The following AGTRAP variants were observed in gnomAD, a reference collection of about 807,000 sequenced individuals.
The protein encoded by AGTRAP is angiotensin II receptor associated protein, also known as type-1 angiotensin II receptor-associated protein.
Under a neutral mutation model 15.2 loss-of-function variants are expected in AGTRAP, and 7 were observed. That is an observed-to-expected ratio of 0.46 (90% CI 0.26 to 0.87). AGTRAP has a LOEUF of 0.87. Ranked by LOEUF, AGTRAP falls within the 40% of genes least tolerant of loss-of-function variation. AGTRAP has a pLI of 0.15. For missense variants in AGTRAP, 187 were observed against 213.4 expected, an observed-to-expected ratio of 0.88 and a Z score of 0.77; for synonymous variants, 74 against 89.6, an observed-to-expected ratio of 0.83 and a Z score of 0.98.
chr1:11,750,152 C>T lies in AGTRAP; in HGVS notation c.440C>T (p.Ala147Val). The T allele has an allele frequency of 6.2e-7, 1 of 1,614,030 alleles. No homozygotes were observed. Among genetic ancestry groups the T allele is most frequent in the Non-Finnish European group, 8.5e-7 (1 of 1,180,022 alleles). ...GCAGAGGCGCCCGCAGATCCCTTTG[C>T]AGTCCCAGAGGGCAGGAGTCAAGAT... ...DSAEAPADPF[A>V]VPEGRSQDAR... Residue 147 changes from alanine to valine, a missense_variant, in exon 5 of 5, where the codon GCA becomes GTA. Ala to Val is a moderately conservative substitution (Grantham distance 64). Transcript: ENST00000314340.
Position 11,750,376 on chromosome 1 carries a change from G to T in AGTRAP, c.*184G>T. 2 of 654,820 alleles carry T rather than the reference G, an allele frequency of 3.1e-6. No individual in the cohort carries two copies. The highest frequency in any genetic ancestry group is 1.7e-5 in the South Asian group (1 of 59,776). 40.6% of individuals were successfully genotyped at this position (654,820 alleles called of 1,614,324 possible). On this transcript the variant is annotated 3_prime_UTR_variant, in exon 5 of 5. Transcript: ENST00000314340. ...CCAGTACCATGCACACTCCTGTCCCGAACTCCCTGAGGCCTCCCCTCCCTT... is the reference window on the plus strand; with the variant it reads ...CCAGTACCATGCACACTCCTGTCCCTAACTCCCTGAGGCCTCCCCTCCCTT...
intron 1 of AGTRAP, among the ~76,000 whole-genome samples, chr1:11,738,313 C>T (rs1404514899): frequency 6.6e-6 from 1 of 152,168 alleles, no homozygotes. Flanking sequence ...GAAACAACTG[C>T]CCCAGGCCCT....
intron 1 of AGTRAP, among the ~76,000 whole-genome samples, chr1:11,741,145 C>A (rs1209441932): frequency 6.6e-6 from 1 of 151,894 alleles, no homozygotes; most frequent in Admixed American, 6.6e-5. Flanking sequence ...TTCCACGCCC[C>A]CCTTCTGCCA....
intron 1 of AGTRAP, among the ~76,000 whole-genome samples, 158 bp downstream of exon 1, chr1:11,736,393 G>A (rs1450538908): frequency 6.6e-6 from 1 of 152,208 alleles, no homozygotes; most frequent in Non-Finnish European, 1.5e-5. Context: ...TGGGCAGGCA[G>A]GCCACAGCAG....
In AGTRAP at chr1:11,745,753, T is replaced by TGTG. The variant is rs752163869; in HGVS notation, c.28-44_28-42dup. 7 of 1,603,828 alleles carry TGTG rather than the reference T, an allele frequency of 4.4e-6. No individual in the cohort carries two copies. The highest frequency in any genetic ancestry group is 6.0e-6 in the Non-Finnish European group (7 of 1,170,722). ...TCTGCACCCGACGCTTTCCTGCCCC[T>TGTG]GTGGTGGTCATGTTCACAGACCTCT... On this transcript the variant is annotated intron_variant, in intron 1 of 4. Coordinates refer to ENST00000314340, the MANE Select transcript of AGTRAP (RefSeq NM_020350.5). This position sits in a 1 kb window ranked among gnomAD's most constrained non-coding sequence, Gnocchi z 4.2.
At position 11,750,265 on chromosome 1, in the gene AGTRAP, G is replaced by A; in HGVS notation, c.*73G>A. 2 of 1,234,968 alleles carry A rather than the reference G, an allele frequency of 1.6e-6. No homozygotes were observed. The highest frequency in any genetic ancestry group is 2.3e-6 in the Non-Finnish European group (2 of 859,756). 76.5% of individuals were successfully genotyped at this position (1,234,968 alleles called of 1,614,324 possible). A position where few individuals can be genotyped will look rare whatever the true frequency, so the allele number is the denominator to read the frequency against. On this transcript the variant is annotated 3_prime_UTR_variant, in exon 5 of 5. Transcript: ENST00000314340. ...GGGAGGTCGTTCTAGGGATGCTCCT[G>A]ACCTCCGTCTCTTGGACCTAAGATG...
rs1641888340 is a variant in AGTRAP at position 11,736,148 on chromosome 1, C to G, written c.-61C>G. ...GGCGGGGCCGGGCAAGTTTGTTCCCCGAGTTCGGAGCCTAGGAGCCCCCCG... is the reference window on the plus strand; with the variant it reads ...GGCGGGGCCGGGCAAGTTTGTTCCCGGAGTTCGGAGCCTAGGAGCCCCCCG... On this transcript the variant is annotated 5_prime_UTR_variant, in exon 1 of 5. Transcript: ENST00000314340. 1.3e-6 allele frequency: 2 copies of G among 1,566,390 alleles called. No homozygotes were observed. Among genetic ancestry groups the G allele is most frequent in the African/African-American group, 1.3e-5 (1 of 74,336 alleles).
intron 1 of AGTRAP, among the ~76,000 whole-genome samples, chr1:11,742,481 T>C (rs1483902757): frequency 5.9e-5 from 9 of 151,986 alleles, no homozygotes; most frequent in Non-Finnish European, 1.2e-4. Flanking sequence ...TCCTTTTCTT[T>C]CTTTTTCTTT....
chr1:11,748,753 T>G (rs1427882028), intron 4 of AGTRAP, 143 bp downstream of exon 4: 1 of 979,028 alleles, frequency 1.0e-6, no homozygotes, highest in Non-Finnish European at 1.5e-6. Flanking sequence ...CGCTCTGTAC[T>G]AGGCTGGACA....
chr1:11,739,766 G>A (rs1000148201), intron 1 of AGTRAP, among the ~76,000 whole-genome samples: 2 of 152,224 alleles, frequency 1.3e-5, no homozygotes, highest in African/African-American at 2.4e-5. Flanking sequence ...TGCTGCTGTC[G>A]TTGATGATGC....
chr1:11,746,466 A>C, intron 2 of AGTRAP: 1 of 431,238 alleles, frequency 2.3e-6, no homozygotes. Context: ...TGTCCTATAA[A>C]TCTAGGAAGC....
At chr1:11,746,145 T>G in intron 2 of AGTRAP, 1 of 1,613,818 alleles carries the variant, frequency 6.2e-7, no homozygotes, top group South Asian at 1.1e-5. Flanking sequence ...GACATTTCTC[T>G]GCCAAACCAA....
At chr1:11,747,293 G>A (rs879155585) in intron 2 of AGTRAP, 147 bp from the exon 3 acceptor site, 16 of 725,968 alleles carry the variant, frequency 2.2e-5, no homozygotes, top group South Asian at 1.3e-4. Flanking sequence ...GGTGGGAGGC[G>A]GAGCCCATGG....
At chr1:11,750,007 T>C in intron 4 of AGTRAP, 70 bp from the exon 5 acceptor site, 1 of 1,293,120 alleles carries the variant, frequency 7.7e-7, no homozygotes. Flanking sequence ...GGATCTTGGG[T>C]TGGACTCAGC....
intron 1 of AGTRAP, among the ~76,000 whole-genome samples, chr1:11,742,479 T>C (rs1243682588): frequency 1.3e-5 from 2 of 151,944 alleles, no homozygotes; most frequent in African/African-American, 4.8e-5. Context: ...CTTCCTTTTC[T>C]TTCTTTTTCT....
At chr1:11,741,823 G>T (rs887952031) in intron 1 of AGTRAP, among the ~76,000 whole-genome samples, 1 of 152,262 alleles carries the variant, frequency 6.6e-6, no homozygotes. Context: ...GAAGGTAGGT[G>T]AGGTGATGGC....
At chr1:11,749,523 C>T (rs904648759) in intron 4 of AGTRAP, among the ~76,000 whole-genome samples, 2 of 152,362 alleles carry the variant, frequency 1.3e-5, no homozygotes, top group Admixed American at 1.3e-4. Flanking sequence ...GATGAATGTA[C>T]AGAGTAGGGG....
At chr1:11,740,179 T>C (rs1472357915) in intron 1 of AGTRAP, among the ~76,000 whole-genome samples, 2 of 152,212 alleles carry the variant, frequency 1.3e-5, no homozygotes, top group Admixed American at 1.3e-4. Context: ...ATCCTGTGTC[T>C]CTTTGGCTAC....
At chr1:11,749,599 C>T (rs1029263893) in intron 4 of AGTRAP, among the ~76,000 whole-genome samples, 1 of 152,206 alleles carries the variant, frequency 6.6e-6, no homozygotes, top group Non-Finnish European at 1.5e-5. Context: ...CCCCAGCCTC[C>T]GAGGCCATCT....
Sources: allele counts gnomAD v4.1 joint callset (sites outside exome capture counted in the v4.1 genomes callset), GRCh38; gene constraint gnomAD v4.1.1; non-coding constraint Gnocchi (gnomAD v3.1); transcripts MANE v1.5; gene names NCBI Gene and HGNC (gene_info 2026-07-23, HGNC 2026-07-21).